The following IGSF5 variants were observed in gnomAD, a reference collection of about 807,000 sequenced individuals.
IGSF5 encodes immunoglobulin superfamily 5 like.
Under a neutral mutation model 39.4 loss-of-function variants are expected in IGSF5, and 41 were observed. The ratio of observed to expected loss-of-function variants is 1.04; its 90% CI spans 0.81 to 1.35. IGSF5 has a LOEUF of 1.35. IGSF5 is among the 40% of genes most tolerant of loss of function. IGSF5 has a pLI of 0.00. For missense variants in IGSF5, 487 were observed against 494.6 expected (o/e 0.98, Z 0.15); for synonymous variants, 183 against 175.3 (o/e 1.04, Z -0.34).
chr21:39,743,308 T>G (rs1315024282), upstream of IGSF5, among the ~76,000 whole-genome samples: 1 of 152,186 alleles, frequency 6.6e-6, no homozygotes, highest in Non-Finnish European at 1.5e-5. Flanking sequence ...GTGGCACTTT[T>G]TCATTTGGGG....
At position 39,779,138 on chromosome 21, in the gene IGSF5, G is replaced by A. The variant is rs2080156145; in HGVS notation, c.767G>A (p.Ser256Asn). ...NIPGVLSSLP[S>N]LGFSLPTWGK... is the part of the protein sequence containing the mutation. ...CCAGGTGTATTATCAAGTTTACCGAGTTTAGGTTTTTCATTGCCTACTTGG... is the reference window on the plus strand; with the variant it reads ...CCAGGTGTATTATCAAGTTTACCGAATTTAGGTTTTTCATTGCCTACTTGG... Residue 256 changes from serine (S) to asparagine (N), a missense_variant, in exon 5 of 9, where the codon AGT becomes AAT. Ser to Asn is a conservative substitution (Grantham distance 46, BLOSUM62 1). Transcript: ENST00000380588. The A allele has an allele frequency of 6.2e-7, 1 of 1,613,990 alleles. No homozygotes were observed. The highest frequency in any genetic ancestry group is 1.3e-5 in the African/African-American group (1 of 75,002).
At position 39,766,882 on chromosome 21, in the gene IGSF5, G is replaced by T. The variant is rs1355322565; in HGVS notation, c.418+1030G>T. The stretch of plus-strand genomic sequence containing the variant: ...TACTTGTCTGGAAGAAATTCCCAAA[G>T]ATTTTGTTCATATTTATGTTGCTAT... On this transcript the variant is annotated intron_variant, in intron 3 of 8. Transcript: ENST00000380588. Among the ~76,000 whole-genome samples, 6 of 152,182 alleles carry T rather than the reference G, an allele frequency of 3.9e-5. No individual in the cohort carries two copies. In the East Asian group the frequency reaches 9.7e-4, roughly 25 times the overall value.
the IGSF5 span, among the ~76,000 whole-genome samples, chr21:39,731,942 A>G: frequency 1.3e-5 from 2 of 152,224 alleles, no homozygotes. Context: ...TCGGGCTGCA[A>G]AAGACTTGTA....
At chr21:39,737,639 G>A in the IGSF5 span, among the ~76,000 whole-genome samples, 1 of 152,216 alleles carries the variant, frequency 6.6e-6, no homozygotes, top group Admixed American at 6.5e-5. Context: ...CAGGGCGAGG[G>A]ATGTGGGAAG....
chr21:39,797,554 T>C (rs2087003703), intron 8 of IGSF5, among the ~76,000 whole-genome samples: 1 of 152,134 alleles, frequency 6.6e-6, no homozygotes, highest in Admixed American at 6.5e-5. Flanking sequence ...TCTTGCTTTG[T>C]TGCCCAGGCT....
intron 8 of IGSF5, among the ~76,000 whole-genome samples, chr21:39,795,593 G>A (rs1383701451): frequency 1.3e-5 from 2 of 151,606 alleles, no homozygotes; most frequent in African/African-American, 4.9e-5. Flanking sequence ...TTGGATACCT[G>A]AGTGGAGAAT....
intron 5 of IGSF5, among the ~76,000 whole-genome samples, chr21:39,780,754 T>C (rs1194870670): frequency 6.6e-6 from 1 of 152,192 alleles, no homozygotes; most frequent in Non-Finnish European, 1.5e-5. Context: ...AAACACTAGG[T>C]GGGCTTGTCG....
chr21:39,724,413 G>A, the IGSF5 span, among the ~76,000 whole-genome samples: 1 of 152,274 alleles, frequency 6.6e-6, no homozygotes, highest in African/African-American at 2.4e-5. Context: ...GAATTCCTAC[G>A]TGTTGTGGGA....
chr21:39,789,434 C>A (rs1249332829), intron 6 of IGSF5, among the ~76,000 whole-genome samples: 1 of 152,114 alleles, frequency 6.6e-6, no homozygotes, highest in Admixed American at 6.6e-5. Flanking sequence ...GCTTGGGCAC[C>A]TTTGTCTCCG....
the IGSF5 span, among the ~76,000 whole-genome samples, chr21:39,733,046 A>T: frequency 7.9e-5 from 12 of 152,194 alleles, no homozygotes; most frequent in East Asian, 7.7e-4. Context: ...TAATAAAATT[A>T]AAAAAATTAA....
At chr21:39,796,978 C>T (rs906887797) in intron 8 of IGSF5, among the ~76,000 whole-genome samples, 4 of 152,312 alleles carry the variant, frequency 2.6e-5, no homozygotes, top group African/African-American at 7.2e-5. Context: ...CACATACACT[C>T]GCTCTCTGCT....
At chr21:39,744,206 C>T (rs2079960857), upstream of IGSF5, among the ~76,000 whole-genome samples, 1 of 152,176 alleles carries the variant, frequency 6.6e-6, no homozygotes, top group South Asian at 2.1e-4. Flanking sequence ...TCTAGTGGTC[C>T]TTTACCAGCG....
At chr21:39,740,240 G>T (rs1157150958), upstream of IGSF5, among the ~76,000 whole-genome samples, 2 of 152,190 alleles carry the variant, frequency 1.3e-5, no homozygotes, top group Non-Finnish European at 2.9e-5. Flanking sequence ...GTCCTGCCTT[G>T]CAGCTCTTTT....
intron 2 of IGSF5, among the ~76,000 whole-genome samples, chr21:39,754,502 C>T (rs531965548): frequency 2.0e-5 from 3 of 152,228 alleles, no homozygotes; most frequent in African/African-American, 4.8e-5. Context: ...AAATAAGGGG[C>T]TGAGTGCGAT....
At chr21:39,737,333 A>C in the IGSF5 span, among the ~76,000 whole-genome samples, 1 of 152,096 alleles carries the variant, frequency 6.6e-6, no homozygotes, top group South Asian at 2.1e-4. Context: ...GCAAGCACTC[A>C]GCTCTGCACT....
intron 5 of IGSF5, 27 bp downstream of exon 5, chr21:39,779,332 T>G: frequency 6.2e-7 from 1 of 1,603,654 alleles, no homozygotes. Context: ...TTTACATTTG[T>G]ACATACTTCT....
chr21:39,712,195 A>G, the IGSF5 span, among the ~76,000 whole-genome samples: 18 of 152,140 alleles, frequency 1.2e-4, no homozygotes, highest in Admixed American at 1.1e-3. Context: ...GCAGGAGATT[A>G]TCTCCAAGCT....
intron 8 of IGSF5, among the ~76,000 whole-genome samples, chr21:39,794,006 T>C: frequency 6.6e-6 from 1 of 152,202 alleles, no homozygotes; most frequent in East Asian, 1.9e-4. Flanking sequence ...TCCCACGTGC[T>C]CATCTGTACT....
chr21:39,746,074 G>C, intron 1 of IGSF5, 142 bp from the exon 2 acceptor site: 2 of 659,898 alleles, frequency 3.0e-6, no homozygotes, highest in Non-Finnish European at 5.5e-6. Context: ...TCTATTAGAA[G>C]CTGTGGGTCA....
Sources: allele counts gnomAD v4.1 joint callset (sites outside exome capture counted in the v4.1 genomes callset), GRCh38; gene constraint gnomAD v4.1.1; transcripts MANE v1.5; gene names NCBI Gene and HGNC (gene_info 2026-07-23, HGNC 2026-07-21).